The following NALCN variants were observed in gnomAD, a reference collection of about 807,000 sequenced individuals.
The protein encoded by NALCN is sodium leak channel, non-selective.
In NALCN, 111 loss-of-function variants were observed where a neutral mutation model predicts 225.3. The observed-to-expected ratio is 0.49, with a 90% confidence interval of 0.42 to 0.58. The LOEUF (loss-of-function observed/expected upper bound fraction) is 0.58. NALCN is among the 20% of genes least tolerant of loss of function. NALCN has a pLI of 0.00. For synonymous variants in NALCN, 764 were observed against 769.0 expected (o/e 0.99, Z 0.11); for missense variants, 1,378 against 2,202.4 (o/e 0.63, Z 7.49).
At chr13:101,344,175 C>A (rs2139293706) in intron 7 of NALCN, among the ~76,000 whole-genome samples, 1 of 152,226 alleles carries the variant, frequency 6.6e-6, no homozygotes, top group East Asian at 1.9e-4. Flanking sequence ...TTCATGATGC[C>A]TCTGTACTTT....
intron 20 of NALCN, among the ~76,000 whole-genome samples, chr13:101,110,220 C>T (rs34775811): frequency 0.11 from 16,735 of 152,192 alleles, 1,049 homozygotes; most frequent in Admixed American, 0.17. Flanking sequence ...AATTTCACTT[C>T]CTAATATATA....
chr13:101,220,106 T>C (rs1479487862), intron 13 of NALCN, among the ~76,000 whole-genome samples: 1 of 152,180 alleles, frequency 6.6e-6, no homozygotes, highest in African/African-American at 2.4e-5. Flanking sequence ...CCTATAAACA[T>C]TGCTGGGAGG....
At chr13:101,128,608 C>T (rs2036356820) in intron 17 of NALCN, among the ~76,000 whole-genome samples, 1 of 151,788 alleles carries the variant, frequency 6.6e-6, no homozygotes, top group Non-Finnish European at 1.5e-5. Context: ...GGCTGGAGTG[C>T]ATGCAGTGGA....
chr13:101,292,754 T>C lies in NALCN; in HGVS notation c.800-388A>G, dbSNP rs1295469086. Among the ~76,000 whole-genome samples the C allele has an allele frequency of 6.6e-6, 1 of 152,208 alleles. No individual in the cohort carries two copies. The highest frequency in any genetic ancestry group is 1.5e-5 in the Non-Finnish European group (1 of 68,036). On this transcript the variant is annotated intron_variant, in intron 7 of 43. Coordinates refer to ENST00000251127, the MANE Select transcript of NALCN (RefSeq NM_052867.4). The surrounding 1 kb of genome is among the most constrained non-coding windows in gnomAD (Gnocchi z 4.3). Reference sequence around the variant, plus strand: ...TCAATAAGCTGAAAAGCACCTGCTATAGTTTTAACCAAAATGAAATAAATG... The same window carrying C: ...TCAATAAGCTGAAAAGCACCTGCTACAGTTTTAACCAAAATGAAATAAATG...
At chr13:101,296,551 T>C (rs947205774) in intron 7 of NALCN, among the ~76,000 whole-genome samples, 13 of 152,252 alleles carry the variant, frequency 8.5e-5, no homozygotes, top group African/African-American at 2.9e-4. Context: ...ATTTAAAATA[T>C]TTTTTCTAGA....
At chr13:101,139,320 G>A (rs992503189) in intron 17 of NALCN, among the ~76,000 whole-genome samples, 14 of 152,106 alleles carry the variant, frequency 9.2e-5, no homozygotes, top group African/African-American at 3.1e-4. Context: ...GCCCCCTTCT[G>A]GGGTTGCTGT....
chr13:101,117,041 T>G (rs1441857128), intron 18 of NALCN: 2 of 481,628 alleles, frequency 4.2e-6, no homozygotes, highest in Admixed American at 4.4e-5. Flanking sequence ...TTTATCCTAG[T>G]GGATACCCCA....
At chr13:101,285,517 G>A (rs906803990) in intron 9 of NALCN, among the ~76,000 whole-genome samples, 1 of 151,858 alleles carries the variant, frequency 6.6e-6, no homozygotes, top group Non-Finnish European at 1.5e-5. Flanking sequence ...TGTTGTCCAG[G>A]GTGGTTTTGA....
chr13:101,382,252 T>C (rs1594766388), intron 3 of NALCN, among the ~76,000 whole-genome samples: 1 of 139,060 alleles, frequency 7.2e-6, no homozygotes, highest in East Asian at 2.2e-4. Flanking sequence ...ACATTTACAA[T>C]GTTAACAAAT....
chr13:101,324,988 G>A (rs935954158), intron 7 of NALCN, among the ~76,000 whole-genome samples: 2 of 152,098 alleles, frequency 1.3e-5, no homozygotes, highest in African/African-American at 4.8e-5. Context: ...AGCATGAAGG[G>A]CTGTTGCATT....
chr13:101,122,306 G>C (rs1477482032), intron 18 of NALCN, among the ~76,000 whole-genome samples: 6 of 152,014 alleles, frequency 3.9e-5, no homozygotes, highest in Non-Finnish European at 8.8e-5. Flanking sequence ...AAATTCTAAG[G>C]TTTTTTATTT....
chr13:101,149,820 C>A (rs1052139359), intron 15 of NALCN, among the ~76,000 whole-genome samples: 3 of 152,178 alleles, frequency 2.0e-5, no homozygotes, highest in Admixed American at 2.0e-4. Context: ...CAGCAGTTCC[C>A]ATGCACTCTT....
At chr13:101,221,682 T>C (rs1391161466) in intron 13 of NALCN, among the ~76,000 whole-genome samples, 1 of 152,022 alleles carries the variant, frequency 6.6e-6, no homozygotes, top group Non-Finnish European at 1.5e-5. Flanking sequence ...CACCAAGATT[T>C]TAAATGTTTT....
chr13:101,345,715 T>TATCTATCTATC (rs1230804816), intron 6 of NALCN, among the ~76,000 whole-genome samples: 2 of 131,036 alleles, frequency 1.5e-5, no homozygotes, highest in Admixed American at 1.8e-4. Context: ...TCTATCTATC[T>TATCTATCTATC]ATCTAAGAGT....
chr13:101,177,916 G>T (rs2039027464), intron 14 of NALCN, among the ~76,000 whole-genome samples: 1 of 152,272 alleles, frequency 6.6e-6, no homozygotes, highest in Non-Finnish European at 1.5e-5. Flanking sequence ...GGATATGCTT[G>T]GCTTGGGACA....
At chr13:101,153,057 CTTTTT>C (rs551763648) in intron 15 of NALCN, among the ~76,000 whole-genome samples, 1 of 151,262 alleles carries the variant, frequency 6.6e-6, no homozygotes, top group Non-Finnish European at 1.5e-5. Flanking sequence ...TAATTTTTCT[CTTTTT>C]TTTAATTTAT....
chr13:101,388,913 C>A (rs973893851), intron 3 of NALCN, among the ~76,000 whole-genome samples: 2 of 152,328 alleles, frequency 1.3e-5, no homozygotes, highest in African/African-American at 4.8e-5. Flanking sequence ...CCACTACACA[C>A]AAGTGACAGG....
chr13:101,181,987 A>G (rs2039249211), intron 14 of NALCN, among the ~76,000 whole-genome samples: 1 of 151,928 alleles, frequency 6.6e-6, no homozygotes, highest in Non-Finnish European at 1.5e-5. Flanking sequence ...CAAAAAAATT[A>G]GCCGGGCGTG....
intron 13 of NALCN, among the ~76,000 whole-genome samples, chr13:101,226,716 T>C (rs183913354): frequency 5.4e-4 from 82 of 152,220 alleles, no homozygotes; most frequent in African/African-American, 8.7e-4. Context: ...ACCCTAGACA[T>C]GGTGCATGAC....
Sources: gnomAD v4.1 joint callset for allele counts (sites outside exome capture counted in the v4.1 genomes callset) on GRCh38, gnomAD v4.1.1 for gene constraint, Gnocchi (gnomAD v3.1) non-coding constraint, MANE v1.5 for transcripts, NCBI Gene and HGNC (gene_info 2026-07-23, HGNC 2026-07-21) for gene names.